Variants in TRAF3 observed in about 807,000 individuals in gnomAD.
TRAF3 encodes the protein TNF receptor associated factor 3, also known as TNF receptor-associated factor 3.
Under a neutral mutation model 62.3 loss-of-function variants are expected in TRAF3, and 13 were observed. The observed-to-expected ratio is 0.21, with a 90% CI of 0.14 to 0.33. The LOEUF (loss-of-function observed/expected upper bound fraction) is 0.33, where lower values mean the gene tolerates loss of function less well. TRAF3 is among the 10% of genes least tolerant of loss of function. The pLI is 1.00. For synonymous variants in TRAF3, 269 were observed against 283.4 expected, an observed-to-expected ratio of 0.95 and a Z score of 0.51; for missense variants, 440 against 741.8, an observed-to-expected ratio of 0.59 and a Z score of 4.73.
intron 7 of TRAF3, 84 bp from the exon 8 acceptor site, chr14:102,889,476 C>T (rs1889588928): frequency 7.3e-7 from 1 of 1,362,800 alleles, no homozygotes; most frequent in African/African-American, 1.4e-5. Flanking sequence ...AATAGTACAG[C>T]TCAGATGCTA....
chr14:102,821,801 T>C (rs1023801479), intron 1 of TRAF3, among the ~76,000 whole-genome samples: 3 of 152,192 alleles, frequency 2.0e-5, no homozygotes, highest in Non-Finnish European at 4.4e-5. Flanking sequence ...CCCAGCACTT[T>C]GGGAGCCCGA....
rs186227225 is a variant in TRAF3 at position 102,857,623 on chromosome 14, C to T, written c.-17-12562C>T. ...GATGGCGTGGGGTTCCTGGGCCTGT[C>T]GGAAAGTGACATTCTTTACTAACCA... On this transcript the variant is annotated intron_variant, in intron 2 of 11. Coordinates refer to ENST00000392745, the MANE Select transcript of TRAF3 (RefSeq NM_145725.3). Among the ~76,000 whole-genome samples the T allele has an allele frequency of 5.8e-3, 876 of 152,232 alleles. 9 individuals carry two copies. Among genetic ancestry groups the T allele is most frequent in the Admixed American group, 9.9e-3 (151 of 15,290 alleles).
intron 1 of TRAF3, among the ~76,000 whole-genome samples, chr14:102,794,514 G>C (rs1897966811): frequency 6.6e-6 from 1 of 152,200 alleles, no homozygotes; most frequent in Non-Finnish European, 1.5e-5. Context: ...CCTGGGCTTG[G>C]ATATCAGTGT....
At chr14:102,904,938 C>T (rs1160601532) in intron 11 of TRAF3, among the ~76,000 whole-genome samples, 3 of 152,044 alleles carry the variant, frequency 2.0e-5, no homozygotes, top group Non-Finnish European at 2.9e-5. Flanking sequence ...ATGGCGAAAC[C>T]CTGTCCCTAC....
intron 1 of TRAF3, among the ~76,000 whole-genome samples, chr14:102,780,400 T>A (rs1897226492): frequency 1.3e-5 from 2 of 152,072 alleles, no homozygotes; most frequent in South Asian, 4.1e-4. Flanking sequence ...ACAAAATGGC[T>A]TTCTCATTTG....
intron 1 of TRAF3, among the ~76,000 whole-genome samples, chr14:102,793,348 C>T (rs1017893120): frequency 6.6e-6 from 1 of 151,584 alleles, no homozygotes; most frequent in Non-Finnish European, 1.5e-5. Context: ...CAGATGAGGT[C>T]TCACTGTGTT....
intron 1 of TRAF3, among the ~76,000 whole-genome samples, chr14:102,821,831 C>T (rs977037981): frequency 2.6e-5 from 4 of 152,122 alleles, no homozygotes; most frequent in Non-Finnish European, 2.9e-5. Context: ...ATCATGAGGT[C>T]GGGAGTTCGA....
In TRAF3 at chr14:102,826,848, G is replaced by A. The variant is rs1487204400; in HGVS notation, c.-156-3486G>A. Among the ~76,000 whole-genome samples the A allele has an allele frequency of 1.3e-5, 2 of 152,184 alleles. No homozygotes were observed. Among genetic ancestry groups the A allele is most frequent in the African/African-American group, 2.4e-5 (1 of 41,446 alleles). Reference sequence around the variant, plus strand: ...ACAGCTGTTACTTATGGGTGGCGGCGTGGTGAGGTCGCACAACACAGAGCT... The same window carrying A: ...ACAGCTGTTACTTATGGGTGGCGGCATGGTGAGGTCGCACAACACAGAGCT... On this transcript the variant is annotated intron_variant, in intron 1 of 11. Transcript: ENST00000392745. This position sits in a 1 kb window ranked among gnomAD's most constrained non-coding sequence, Gnocchi z 4.6.
chr14:102,831,630 T>C (rs1900693656), intron 2 of TRAF3, among the ~76,000 whole-genome samples: 2 of 152,172 alleles, frequency 1.3e-5, no homozygotes, highest in Non-Finnish European at 2.9e-5. Flanking sequence ...GCTGCCCTTA[T>C]GTGGAGTGAC....
In TRAF3 at chr14:102,907,512, C is replaced by T. The variant is rs1321263923; in HGVS notation, c.*1728C>T. The T allele has an allele frequency of 2.0e-5, 3 of 152,324 alleles. No individual in the cohort carries two copies. Among genetic ancestry groups the T allele is most frequent in the African/African-American group, 7.2e-5 (3 of 41,478 alleles). The allele number at this position is 152,324 out of a possible 1,614,324, so 9.4% of individuals were successfully genotyped here. A position where few individuals can be genotyped will look rare whatever the true frequency, so the allele number is the denominator to read the frequency against. On this transcript the variant is annotated 3_prime_UTR_variant, in exon 12 of 12. Transcript: ENST00000392745. The stretch of plus-strand genomic sequence containing the variant: ...TGATGGGTGCTACACGCGACGGGTG[C>T]TTCTTAGGCAAAACCAATGTGTGCG...
intron 2 of TRAF3, among the ~76,000 whole-genome samples, chr14:102,844,615 G>A (rs1886582806): frequency 6.6e-6 from 1 of 152,200 alleles, no homozygotes; most frequent in Non-Finnish European, 1.5e-5. Context: ...ACCTGACAAG[G>A]ATCAGGGTGC....
Position 102,906,980 on chromosome 14 carries a change from C to T in TRAF3, c.*1196C>T, listed in dbSNP as rs1890613867. 6.6e-6 allele frequency: 1 copy of T among 152,286 alleles called. No individual in the cohort carries two copies. Among genetic ancestry groups the T allele is most frequent in the Admixed American group, 6.5e-5 (1 of 15,286 alleles). 9.4% of individuals were successfully genotyped at this position (152,286 alleles called of 1,614,324 possible). ...TCTAGAAAGTGCTAGTTTAACCAGA[C>T]TTTTCTCTCCACCACTAGATCTTTG... On this transcript the variant is annotated 3_prime_UTR_variant, in exon 12 of 12. Coordinates refer to ENST00000392745, the MANE Select transcript of TRAF3 (RefSeq NM_145725.3).
At chr14:102,796,077 T>C (rs1409553638) in intron 1 of TRAF3, among the ~76,000 whole-genome samples, 2 of 151,898 alleles carry the variant, frequency 1.3e-5, no homozygotes, top group Admixed American at 6.6e-5. Context: ...ATTAGCCGGG[T>C]GTGGTGTCGG....
chr14:102,778,795 C>T (rs1359301598), intron 1 of TRAF3, among the ~76,000 whole-genome samples: 2 of 152,154 alleles, frequency 1.3e-5, no homozygotes, highest in African/African-American at 4.8e-5. Flanking sequence ...CTGTATTTGT[C>T]TATAAAATTC....
At chr14:102,839,549 T>C (rs1886250843) in intron 2 of TRAF3, among the ~76,000 whole-genome samples, 1 of 152,212 alleles carries the variant, frequency 6.6e-6, no homozygotes, top group Admixed American at 6.5e-5. Flanking sequence ...ATTTGTGTGT[T>C]TGGAGACTGA....
At chr14:102,828,929 C>T (rs574348865) in intron 1 of TRAF3, among the ~76,000 whole-genome samples, 17 of 152,248 alleles carry the variant, frequency 1.1e-4, no homozygotes, top group African/African-American at 4.1e-4. Context: ...TGGAACTTTT[C>T]GTCTTAAAAA....
chr14:102,868,288 T>C (rs981926516), intron 2 of TRAF3, among the ~76,000 whole-genome samples: 2 of 152,180 alleles, frequency 1.3e-5, no homozygotes, highest in African/African-American at 4.8e-5. Context: ...AAAAATCCTA[T>C]AGTGCAGCAG....
chr14:102,788,950 G>A (rs1366346053), intron 1 of TRAF3, among the ~76,000 whole-genome samples: 3 of 152,276 alleles, frequency 2.0e-5, no homozygotes, highest in Non-Finnish European at 4.4e-5. Context: ...CAGCCTGAAG[G>A]ACAGATGGAG....
intron 2 of TRAF3, among the ~76,000 whole-genome samples, chr14:102,860,334 A>G (rs1887608664): frequency 1.3e-5 from 2 of 152,240 alleles, no homozygotes; most frequent in Non-Finnish European, 2.9e-5. Flanking sequence ...AGATTTTGAG[A>G]GGGATCTATC....
Sources: gnomAD v4.1 joint callset for allele counts (sites outside exome capture counted in the v4.1 genomes callset) on GRCh38, gnomAD v4.1.1 for gene constraint, Gnocchi (gnomAD v3.1) non-coding constraint, MANE v1.5 for transcripts, NCBI Gene and HGNC (gene_info 2026-07-23, HGNC 2026-07-21) for gene names.